The following EFNA5 variants were observed in gnomAD, a reference collection of about 807,000 sequenced individuals.
EFNA5 encodes ephrin-A5.
EFNA5 carries 5 observed loss-of-function variants against 22.9 expected under a neutral mutation model. The ratio of observed to expected loss-of-function variants is 0.22; its 90% CI spans 0.11 to 0.46. The LOEUF is 0.46. Ranked by LOEUF, EFNA5 falls within the 20% of genes least tolerant of loss-of-function variation. EFNA5 has a pLI of 0.99. For synonymous variants in EFNA5, 113 were observed against 112.2 expected, an observed-to-expected ratio of 1.01 and a Z score of -0.04; for missense variants, 237 against 293.3, an observed-to-expected ratio of 0.81 and a Z score of 1.40.
chr5:107,531,402 G>A (rs561028928), intron 1 of EFNA5, among the ~76,000 whole-genome samples: 11 of 152,198 alleles, frequency 7.2e-5, no homozygotes, highest in Non-Finnish European at 1.0e-4. Flanking sequence ...CAGGCAGGAC[G>A]GTGAGGCTGC....
intron 1 of EFNA5, among the ~76,000 whole-genome samples, chr5:107,558,879 G>C (rs1748476724): frequency 6.6e-6 from 1 of 152,184 alleles, no homozygotes; most frequent in Admixed American, 6.5e-5. Flanking sequence ...AATCATCCAG[G>C]CTGAATCAAA....
intron 1 of EFNA5, among the ~76,000 whole-genome samples, chr5:107,457,368 C>T (rs1286149549): frequency 1.3e-5 from 2 of 152,102 alleles, no homozygotes; most frequent in Non-Finnish European, 2.9e-5. Context: ...GGACCTCCCA[C>T]AGTACCAATA....
At chr5:107,660,276 ATATATATAT>A (rs573993323) in intron 1 of EFNA5, among the ~76,000 whole-genome samples, 4,147 of 56,466 alleles carry the variant, frequency 0.073, 203 homozygotes, top group East Asian at 0.2. Context: ...ATATATATAT[ATATATATAT>A]ATATATATAT....
At chr5:107,474,721 A>G (rs1320704364) in intron 1 of EFNA5, among the ~76,000 whole-genome samples, 1 of 152,184 alleles carries the variant, frequency 6.6e-6, no homozygotes, top group East Asian at 1.9e-4. Flanking sequence ...CACAGGAAAC[A>G]CCACCTCAAT....
At chr5:107,580,401 A>G (rs1159433393) in intron 1 of EFNA5, among the ~76,000 whole-genome samples, 1 of 152,154 alleles carries the variant, frequency 6.6e-6, no homozygotes, top group Non-Finnish European at 1.5e-5. Flanking sequence ...AAATTATGAT[A>G]AATTAGGGTG....
chr5:107,612,812 A>T (rs1289266980), intron 1 of EFNA5, among the ~76,000 whole-genome samples: 3 of 152,178 alleles, frequency 2.0e-5, no homozygotes, highest in African/African-American at 4.8e-5. Flanking sequence ...TCACTATGAG[A>T]ATACATTTTG....
At chr5:107,488,019 C>G (rs150018579) in intron 1 of EFNA5, among the ~76,000 whole-genome samples, 1,591 of 152,298 alleles carry the variant, frequency 0.01, 13 homozygotes, top group Middle Eastern at 0.034. Context: ...ATATTCCAGT[C>G]AGCAGCCTTT....
At chr5:107,627,012 T>G (rs753823259) in intron 1 of EFNA5, among the ~76,000 whole-genome samples, 3 of 152,214 alleles carry the variant, frequency 2.0e-5, no homozygotes, top group Non-Finnish European at 4.4e-5. Context: ...TGTAGTATCA[T>G]CAAATTTAAT....
At chr5:107,386,861 G>A (rs910780724) in intron 4 of EFNA5, among the ~76,000 whole-genome samples, 1 of 152,036 alleles carries the variant, frequency 6.6e-6, no homozygotes, top group African/African-American at 2.4e-5. Context: ...AAAATTTTAT[G>A]AACATATACA....
chr5:107,513,174 G>A (rs1424143992), intron 1 of EFNA5, among the ~76,000 whole-genome samples: 1 of 152,132 alleles, frequency 6.6e-6, no homozygotes, highest in African/African-American at 2.4e-5. Context: ...TCAGGCTGCT[G>A]TGCTTAAGTC....
chr5:107,621,399 T>C (rs1750034228), intron 1 of EFNA5, among the ~76,000 whole-genome samples: 1 of 152,156 alleles, frequency 6.6e-6, no homozygotes, highest in Admixed American at 6.5e-5. Context: ...GGGTACCTCA[T>C]TGAAGGGCAA....
chr5:107,587,783 C>T (rs1431416510), intron 1 of EFNA5, among the ~76,000 whole-genome samples: 2 of 152,208 alleles, frequency 1.3e-5, no homozygotes, highest in Admixed American at 6.5e-5. Flanking sequence ...TCCCAAAGTG[C>T]TGGGATTACA....
At chr5:107,534,065 T>C (rs1023123183) in intron 1 of EFNA5, among the ~76,000 whole-genome samples, 27 of 152,198 alleles carry the variant, frequency 1.8e-4, no homozygotes, top group African/African-American at 6.5e-4. Flanking sequence ...CACACAGAAA[T>C]ATCAAATAAC....
At chr5:107,583,315 T>C (rs1749107640) in intron 1 of EFNA5, among the ~76,000 whole-genome samples, 1 of 152,172 alleles carries the variant, frequency 6.6e-6, no homozygotes, top group Non-Finnish European at 1.5e-5. Flanking sequence ...GAATAATTTA[T>C]TCAACAAAAT....
chr5:107,515,139 A>T (rs1747449643), intron 1 of EFNA5, among the ~76,000 whole-genome samples: 1 of 152,050 alleles, frequency 6.6e-6, no homozygotes, highest in South Asian at 2.1e-4. Context: ...GGTTCAAGTG[A>T]TTCTCCTGCC....
intron 2 of EFNA5, among the ~76,000 whole-genome samples, chr5:107,405,866 C>T (rs191741912): frequency 6.7e-6 from 1 of 148,252 alleles, no homozygotes; most frequent in Non-Finnish European, 1.5e-5. Flanking sequence ...AGAATGTATA[C>T]AAATACATAT....
At chr5:107,646,765 C>G (rs1330754469) in intron 1 of EFNA5, among the ~76,000 whole-genome samples, 1 of 152,122 alleles carries the variant, frequency 6.6e-6, no homozygotes, top group Non-Finnish European at 1.5e-5. Context: ...TCAGTGGGTA[C>G]TATCACTGAA....
At chr5:107,403,183 G>A (rs1175281113) in intron 2 of EFNA5, among the ~76,000 whole-genome samples, 3 of 152,166 alleles carry the variant, frequency 2.0e-5, no homozygotes, top group East Asian at 3.8e-4. Context: ...CAGAAGGAGT[G>A]TTTACTATAC....
intron 1 of EFNA5, among the ~76,000 whole-genome samples, chr5:107,523,248 A>C (rs899228546): frequency 6.6e-6 from 1 of 152,164 alleles, no homozygotes; most frequent in Non-Finnish European, 1.5e-5. Context: ...CAGAGTTGGG[A>C]AATAGCCATG....
Sources: gnomAD v4.1 joint callset for allele counts (sites outside exome capture counted in the v4.1 genomes callset) on GRCh38, gnomAD v4.1.1 for gene constraint, MANE v1.5 for transcripts, NCBI Gene and HGNC (gene_info 2026-07-23, HGNC 2026-07-21) for gene names.